LSAMP: variants seen among roughly 807,000 people sequenced by gnomAD.
LSAMP encodes limbic system associated membrane protein, also known as limbic system-associated membrane protein.
LSAMP carries 7 observed loss-of-function variants against 38.6 expected under a neutral mutation model. The ratio of observed to expected loss-of-function variants is 0.18; its 90% CI spans 0.10 to 0.34. LSAMP has a LOEUF of 0.34. Among genes scored for constraint, LSAMP ranks in the 10% least tolerant of loss-of-function variants. LSAMP has a pLI of 1.00. For synonymous variants in LSAMP, 154 were observed against 166.8 expected (o/e 0.92, Z 0.59); for missense variants, 313 against 420.0 (o/e 0.75, Z 2.23).
chr3:115,854,866 A>T (rs958824384), intron 3 of LSAMP, among the ~76,000 whole-genome samples: 2 of 152,244 alleles, frequency 1.3e-5, no homozygotes, highest in African/African-American at 4.8e-5. Flanking sequence ...AAGCTCATTG[A>T]AAACCTAGAA....
chr3:116,345,418 A>T (rs1177816894), intron 1 of LSAMP, among the ~76,000 whole-genome samples: 2 of 152,146 alleles, frequency 1.3e-5, no homozygotes, highest in Non-Finnish European at 1.5e-5. Flanking sequence ...GGAACTAGAT[A>T]TCGGCCCTGT....
intron 1 of LSAMP, among the ~76,000 whole-genome samples, chr3:116,301,656 G>A (rs1170872435): frequency 6.6e-6 from 1 of 151,944 alleles, no homozygotes; most frequent in Non-Finnish European, 1.5e-5. Flanking sequence ...GATATAACTG[G>A]GCCCCATTTC....
chr3:116,162,070 G>A (rs949763244), intron 1 of LSAMP, among the ~76,000 whole-genome samples: 28 of 151,908 alleles, frequency 1.8e-4, no homozygotes, highest in Admixed American at 1.6e-3. Context: ...TGGATCCACC[G>A]CCTCCTTTAC....
chr3:116,383,053 T>G (rs1432652525), intron 1 of LSAMP, among the ~76,000 whole-genome samples: 1 of 152,126 alleles, frequency 6.6e-6, no homozygotes, highest in Non-Finnish European at 1.5e-5. Context: ...TAAACTGAGA[T>G]AAAAAGGGAT....
At chr3:116,089,725 A>G (rs1559738511) in intron 1 of LSAMP, among the ~76,000 whole-genome samples, 3 of 152,132 alleles carry the variant, frequency 2.0e-5, no homozygotes. Flanking sequence ...ACAATACAGT[A>G]TAGTGTTTTT....
intron 2 of LSAMP, among the ~76,000 whole-genome samples, chr3:116,033,292 G>A (rs1940969980): frequency 6.6e-6 from 1 of 152,046 alleles, no homozygotes; most frequent in African/African-American, 2.4e-5. Context: ...TTCCATCTTT[G>A]CTTCCACAAA....
At chr3:116,337,423 T>C (rs1285219766) in intron 1 of LSAMP, among the ~76,000 whole-genome samples, 3 of 152,008 alleles carry the variant, frequency 2.0e-5, no homozygotes, top group African/African-American at 7.2e-5. Context: ...CCTCCATTGC[T>C]CCATCTAGTG....
intron 1 of LSAMP, among the ~76,000 whole-genome samples, chr3:116,159,504 C>T (rs561342846): frequency 1.3e-5 from 2 of 152,094 alleles, no homozygotes; most frequent in South Asian, 4.2e-4. Flanking sequence ...TTAAAAAAAG[C>T]TCAATGTCAC....
intron 3 of LSAMP, among the ~76,000 whole-genome samples, chr3:115,955,175 C>A (rs1938416324): frequency 6.6e-6 from 1 of 152,146 alleles, no homozygotes; most frequent in Non-Finnish European, 1.5e-5. Flanking sequence ...ACCTCGTGAT[C>A]CGCCGGCTTC....
chr3:116,333,040 G>A lies in LSAMP; in HGVS notation c.155+111837C>T, dbSNP rs112205487. Among the ~76,000 whole-genome samples, 656 of 152,174 alleles carry A rather than the reference G, an allele frequency of 4.3e-3. 6 individuals are homozygous for A. Among genetic ancestry groups the A allele is most frequent in the African/African-American group, 0.015 (622 of 41,522 alleles). ...AAATAGACAGTATACAATAATAGTT[G>A]TAGACTTAAATACCTAACTTTCAAC... On this transcript the variant is annotated intron_variant, in intron 1 of 6. Transcript: ENST00000490035.
intron 6 of LSAMP, among the ~76,000 whole-genome samples, chr3:115,810,932 T>C (rs1933809369): frequency 6.6e-6 from 1 of 152,222 alleles, no homozygotes; most frequent in Non-Finnish European, 1.5e-5. Flanking sequence ...GGAGGGGAAC[T>C]GTTTTAAAGT....
At chr3:116,239,220 TG>T (rs1171761045) in intron 1 of LSAMP, among the ~76,000 whole-genome samples, 1 of 152,130 alleles carries the variant, frequency 6.6e-6, no homozygotes, top group Non-Finnish European at 1.5e-5. Context: ...GGGGATGACT[TG>T]GTGTCCCAAT....
At chr3:116,262,476 G>T (rs995330577) in intron 1 of LSAMP, among the ~76,000 whole-genome samples, 3 of 152,148 alleles carry the variant, frequency 2.0e-5, no homozygotes, top group Non-Finnish European at 4.4e-5. Context: ...ATCTTTTTCT[G>T]TTGATATTTT....
At chr3:116,327,795 A>G (rs535606275) in intron 1 of LSAMP, among the ~76,000 whole-genome samples, 5 of 152,298 alleles carry the variant, frequency 3.3e-5, no homozygotes, top group Admixed American at 2.0e-4. Flanking sequence ...AATAAAAGAA[A>G]ACAAAATGAA....
rs143682983 is a variant in LSAMP at position 116,418,209 on chromosome 3, G to A, written c.155+26668C>T. Among the ~76,000 whole-genome samples, 370 of 152,072 alleles carry A rather than the reference G, an allele frequency of 2.4e-3. 3 individuals are homozygous for A. The highest frequency in any genetic ancestry group is 8.7e-3 in the African/African-American group (360 of 41,478). Reference sequence around the variant, plus strand: ...GTACAAATCTTTCTTCCACTATACCGCAAACCTTCCCAATCCAATCTTTAG... The same window carrying A: ...GTACAAATCTTTCTTCCACTATACCACAAACCTTCCCAATCCAATCTTTAG... On this transcript the variant is annotated intron_variant, in intron 1 of 6. Coordinates refer to ENST00000490035, the MANE Select transcript of LSAMP (RefSeq NM_002338.5).
At chr3:116,410,492 A>ATT (rs5852010) in intron 1 of LSAMP, among the ~76,000 whole-genome samples, 4,394 of 150,084 alleles carry the variant, frequency 0.029, 221 homozygotes, top group African/African-American at 0.099. Flanking sequence ...CTAATTAGCC[A>ATT]TTTTTTTTTT....
Position 116,198,772 on chromosome 3 carries a change from G to GA in LSAMP, c.156-112217dup, listed in dbSNP as rs71141858. ...GGCGACAGAGCAAGACTCCGTCTCA[G>GA]AAAAAAAAAGAAAATCAGAACTGGA... is the stretch of plus-strand genomic sequence containing the variant. On this transcript the variant is annotated intron_variant, in intron 1 of 6. Coordinates refer to ENST00000490035, the MANE Select transcript of LSAMP (RefSeq NM_002338.5). Among the ~76,000 whole-genome samples, 9 of 103,224 alleles carry GA rather than the reference G, an allele frequency of 8.7e-5. No individual in the cohort carries two copies. The South Asian group carries it at 2.7e-3, about 31-fold the overall frequency. The allele number at this position is 103,224 out of a possible 152,430, so 67.7% of individuals were successfully genotyped here.
At chr3:116,166,483 T>C (rs1286651878) in intron 1 of LSAMP, among the ~76,000 whole-genome samples, 1 of 152,200 alleles carries the variant, frequency 6.6e-6, no homozygotes, top group Non-Finnish European at 1.5e-5. Flanking sequence ...CTATACTGGC[T>C]TTCAATTTGC....
chr3:116,273,788 T>TAG, intron 1 of LSAMP, among the ~76,000 whole-genome samples: 2 of 134,150 alleles, frequency 1.5e-5, no homozygotes, highest in East Asian at 4.3e-4. Context: ...ATTACAGATA[T>TAG]ATATATCTTT....
Sources: allele counts gnomAD v4.1 joint callset (sites outside exome capture counted in the v4.1 genomes callset), GRCh38; gene constraint gnomAD v4.1.1; transcripts MANE v1.5; gene names NCBI Gene and HGNC (gene_info 2026-07-23, HGNC 2026-07-21).